The following TACC2 variants were observed in gnomAD, a reference collection of about 807,000 sequenced individuals.
TACC2 encodes transforming acidic coiled-coil containing protein 2.
In TACC2, 137 loss-of-function variants were observed where a neutral mutation model predicts 227.3. That is an observed-to-expected ratio of 0.60 (90% CI 0.52 to 0.69). TACC2 has a LOEUF of 0.69. TACC2 is among the 30% of genes least tolerant of loss of function. The probability of loss-of-function intolerance (pLI) is 0.00; values close to 1 mark genes in which losing one functional copy is unlikely to be tolerated. For missense variants in TACC2, 3,470 were observed against 3,694.4 expected (o/e 0.94, Z 1.57); for synonymous variants, 1,523 against 1,487.5 (o/e 1.02, Z -0.55).
At chr10:122,166,950 T>C (rs558006283) in intron 7 of TACC2, among the ~76,000 whole-genome samples, 1 of 152,338 alleles carries the variant, frequency 6.6e-6, no homozygotes, top group African/African-American at 2.4e-5. Context: ...GCTGCAGCTA[T>C]TGATCAGACC....
intron 5 of TACC2, among the ~76,000 whole-genome samples, chr10:122,111,842 T>C (rs1427431781): frequency 6.6e-6 from 1 of 152,168 alleles, no homozygotes; most frequent in Non-Finnish European, 1.5e-5. Context: ...ACATTTAAAC[T>C]AGCCTATTTG....
At chr10:122,176,113 C>CTATATA (rs1159813137) in intron 7 of TACC2, among the ~76,000 whole-genome samples, 75 of 54,788 alleles carry the variant, frequency 1.4e-3, no homozygotes, top group South Asian at 2.2e-3. Flanking sequence ...CTCTCTCTCT[C>CTATATA]TCTCTATATA....
At chr10:122,031,566 G>A (rs750260275) in intron 2 of TACC2, among the ~76,000 whole-genome samples, 4 of 151,566 alleles carry the variant, frequency 2.6e-5, no homozygotes, top group East Asian at 1.9e-4. Context: ...CACTGCGCCC[G>A]GCTAATTTTT....
rs995692579 is a variant in TACC2 at position 122,205,344 on chromosome 10, G to A, written c.5972-5053G>A. Among the ~76,000 whole-genome samples, 26 of 152,148 alleles carry A rather than the reference G, an allele frequency of 1.7e-4. No individual in the cohort carries two copies. Among genetic ancestry groups the A allele is most frequent in the African/African-American group, 5.6e-4 (23 of 41,438 alleles). On this transcript the variant is annotated intron_variant, in intron 8 of 22. Transcript: ENST00000369005. This position sits in a 1 kb window ranked among gnomAD's most constrained non-coding sequence, Gnocchi z 4.5. ...CGGGCCTCCTGCTCTCTTGCTGGTC[G>A]GTTTTGGGTTTGGTTTCTTGAGCTG...
intron 9 of TACC2, among the ~76,000 whole-genome samples, chr10:122,212,692 C>T (rs541903323): frequency 5.3e-5 from 8 of 152,160 alleles, no homozygotes; most frequent in Non-Finnish European, 7.4e-5. Context: ...TCTGGGCTCC[C>T]CCTAACATTG....
intron 6 of TACC2, among the ~76,000 whole-genome samples, chr10:122,142,449 T>C (rs10788251): frequency 0.21 from 31,451 of 152,244 alleles, 4,812 homozygotes; most frequent in African/African-American, 0.43. Flanking sequence ...ACCAGACTTA[T>C]GGGCAAGACT....
intron 3 of TACC2, among the ~76,000 whole-genome samples, chr10:122,057,797 GC>G (rs1394630966): frequency 3.3e-5 from 5 of 152,228 alleles, no homozygotes; most frequent in African/African-American, 1.2e-4. Context: ...TTGCACTCCA[GC>G]CTGGACAGCA....
rs528430496 is a variant in TACC2, at chr10:122,231,978, G to A, written c.8127+1538G>A. Among the ~76,000 whole-genome samples the A allele has an allele frequency of 1.3e-4, 20 of 152,308 alleles. No individual in the cohort carries two copies. The South Asian group carries it at 3.9e-3, about 30-fold the overall frequency. On this transcript the variant is annotated intron_variant, in intron 16 of 22. Coordinates refer to ENST00000369005, the MANE Select transcript of TACC2 (RefSeq NM_206862.4). ...TCCGGCTGCTGCTCCAGCCCTGAGG[G>A]CCCCGCAGTGAGGTCTCCTTGGCCA...
chr10:122,065,573 A>G (rs1223403404), intron 3 of TACC2, among the ~76,000 whole-genome samples: 2 of 152,204 alleles, frequency 1.3e-5, no homozygotes, highest in African/African-American at 4.8e-5. Context: ...TACTTGAAAA[A>G]AATGTTATTT....
At chr10:122,120,593 GAGTC>G (rs1390922017) in intron 5 of TACC2, among the ~76,000 whole-genome samples, 1 of 152,280 alleles carries the variant, frequency 6.6e-6, no homozygotes, top group Non-Finnish European at 1.5e-5. Context: ...TTCGCTGAGA[GAGTC>G]AGAGCAGCTG....
At chr10:122,161,543 G>A (rs1026935404) in intron 7 of TACC2, among the ~76,000 whole-genome samples, 2 of 152,198 alleles carry the variant, frequency 1.3e-5, no homozygotes, top group South Asian at 2.1e-4. Flanking sequence ...TTAAACAGTC[G>A]GCTCAGGCCA....
intron 7 of TACC2, among the ~76,000 whole-genome samples, chr10:122,145,303 G>A (rs1464385667): frequency 6.6e-6 from 1 of 152,254 alleles, no homozygotes; most frequent in South Asian, 2.1e-4. Flanking sequence ...ACAAATTGTG[G>A]TATATCTATG....
intron 1 of TACC2, among the ~76,000 whole-genome samples, chr10:121,993,929 C>G (rs1314658414): frequency 1.3e-5 from 2 of 152,164 alleles, no homozygotes; most frequent in African/African-American, 4.8e-5. Flanking sequence ...AGCCACCACA[C>G]CCAGCCCCTT....
intron 5 of TACC2, among the ~76,000 whole-genome samples, chr10:122,109,805 C>T (rs1164689429): frequency 6.6e-6 from 1 of 152,162 alleles, no homozygotes; most frequent in Non-Finnish European, 1.5e-5. Context: ...GTTCTCTCCA[C>T]TTAAGTTTTT....
intron 9 of TACC2, chr10:122,213,204 T>A (rs549958179): frequency 3.7e-6 from 3 of 811,198 alleles, no homozygotes; most frequent in African/African-American, 3.4e-5. Context: ...CCCCAGCAGC[T>A]CCTTCCAAAA....
At chr10:122,226,148 C>T (rs1260281643) in intron 12 of TACC2, among the ~76,000 whole-genome samples, 1 of 152,218 alleles carries the variant, frequency 6.6e-6, no homozygotes, top group African/African-American at 2.4e-5. Flanking sequence ...CCTACTTGAA[C>T]TCAGTTGTAC....
At chr10:122,043,461 C>A (rs897800137) in intron 2 of TACC2, among the ~76,000 whole-genome samples, 5 of 150,672 alleles carry the variant, frequency 3.3e-5, no homozygotes, top group Admixed American at 1.3e-4. Context: ...CTTTCTTTCT[C>A]TTTCTTTCTT....
At chr10:122,003,947 C>T (rs531693510) in intron 1 of TACC2, among the ~76,000 whole-genome samples, 14 of 152,156 alleles carry the variant, frequency 9.2e-5, no homozygotes, top group East Asian at 2.0e-4. Context: ...TGAGCTACTG[C>T]GCCCAGCCCT....
chr10:122,065,413 T>C (rs1003897303), intron 3 of TACC2, among the ~76,000 whole-genome samples: 1 of 152,246 alleles, frequency 6.6e-6, no homozygotes, highest in African/African-American at 2.4e-5. Context: ...AAATGTGTTA[T>C]TGTTTCCAAA....
Sources: gnomAD v4.1 joint callset for allele counts (sites outside exome capture counted in the v4.1 genomes callset) on GRCh38, gnomAD v4.1.1 for gene constraint, Gnocchi (gnomAD v3.1) non-coding constraint, MANE v1.5 for transcripts, NCBI Gene and HGNC (gene_info 2026-07-23, HGNC 2026-07-21) for gene names.